The following VAV1 variants were observed in gnomAD, a reference collection of about 807,000 sequenced individuals.
VAV1 encodes the protein vav guanine nucleotide exchange factor 1.
Under a neutral mutation model 128.1 loss-of-function variants are expected in VAV1, and 33 were observed. The ratio of observed to expected loss-of-function variants is 0.26; its 90% confidence interval spans 0.20 to 0.34. The LOEUF is 0.34. VAV1 is among the 10% of genes least tolerant of loss of function. The pLI, the probability that VAV1 is intolerant of heterozygous loss-of-function variation, is 1.00. For missense variants in VAV1, 715 were observed against 1,093.7 expected (o/e 0.65, Z 4.88); for synonymous variants, 394 against 409.8 (o/e 0.96, Z 0.47).
At chr19:6,840,240 G>A (rs1187275314) in intron 21 of VAV1, among the ~76,000 whole-genome samples, 1 of 150,942 alleles carries the variant, frequency 6.6e-6, no homozygotes, top group Non-Finnish European at 1.5e-5. Flanking sequence ...TGTCTAGCTT[G>A]TTTCACTTGG....
At chr19:6,825,009 G>A (rs1291386975) in intron 6 of VAV1, 44 bp from the exon 7 acceptor site, 1 of 1,601,450 alleles carries the variant, frequency 6.2e-7, no homozygotes. Context: ...TGGTCTGGAG[G>A]AGGGAATCTT....
At chr19:6,816,018 T>C (rs34908503) in intron 1 of VAV1, among the ~76,000 whole-genome samples, 1 of 79,820 alleles carries the variant, frequency 1.3e-5, no homozygotes, top group African/African-American at 1.6e-4. Context: ...TCTCTACAAA[T>C]TTTTTTTTTT....
At chr19:6,834,463 C>T (rs573973129) in intron 19 of VAV1, among the ~76,000 whole-genome samples, 41 of 151,538 alleles carry the variant, frequency 2.7e-4, no homozygotes, top group South Asian at 6.2e-4. Flanking sequence ...AGGCTGGTCT[C>T]GAACTCTTGA....
At chr19:6,807,848 G>A (rs1971428712) in intron 1 of VAV1, among the ~76,000 whole-genome samples, 1 of 151,702 alleles carries the variant, frequency 6.6e-6, no homozygotes, top group Non-Finnish European at 1.5e-5. Context: ...AAAATTAGCT[G>A]GGCTTGGTGG....
chr19:6,829,028 C>T, intron 13 of VAV1, 128 bp downstream of exon 13: 1 of 1,079,016 alleles, frequency 9.3e-7, no homozygotes, highest in Non-Finnish European at 1.3e-6. Flanking sequence ...GGCCGGGCTT[C>T]TAGATGGACA....
intron 1 of VAV1, among the ~76,000 whole-genome samples, chr19:6,815,754 A>T (rs888933192): frequency 1.4e-4 from 22 of 152,280 alleles, no homozygotes; most frequent in African/African-American, 5.3e-4. Context: ...TAAAATGAGG[A>T]TAATAATATG....
At chr19:6,778,753 C>A (rs1467653732) in intron 1 of VAV1, among the ~76,000 whole-genome samples, 1 of 144,078 alleles carries the variant, frequency 6.9e-6, no homozygotes, top group Non-Finnish European at 1.5e-5. Flanking sequence ...AAAACAAAAC[C>A]CAATTTTGCC....
Position 6,836,421 on chromosome 19 carries a change from C to G in VAV1, c.1778-11C>G. ...GCCAACCACCCTGTACTCCTGTACCCTGTCCTCCAGGTCTGCCCAAGATGG... is the reference window on the plus strand; with the variant it reads ...GCCAACCACCCTGTACTCCTGTACCGTGTCCTCCAGGTCTGCCCAAGATGG... On this transcript the variant is annotated splice_polypyrimidine_tract_variant and intron_variant, in intron 19 of 26. Coordinates refer to ENST00000602142, the MANE Select transcript of VAV1 (RefSeq NM_005428.4). The G allele has an allele frequency of 6.2e-7, 1 of 1,613,822 alleles. No homozygotes were observed. The highest frequency in any genetic ancestry group is 8.5e-7 in the Non-Finnish European group (1 of 1,179,836).
At chr19:6,853,180 G>A in intron 25 of VAV1, 101 bp downstream of exon 25, 1 of 912,998 alleles carries the variant, frequency 1.1e-6, no homozygotes, top group South Asian at 1.5e-5. Context: ...GCCTTGCAGA[G>A]GTCATATCTG....
intron 1 of VAV1, among the ~76,000 whole-genome samples, chr19:6,783,342 T>C (rs2660478): frequency 0.22 from 32,978 of 152,056 alleles, 3,692 homozygotes; most frequent in African/African-American, 0.25. Flanking sequence ...AGAGTCTCTC[T>C]AGGGCCGAGG....
At chr19:6,836,121 G>T in intron 19 of VAV1, 1 of 223,948 alleles carries the variant, frequency 4.5e-6, no homozygotes, top group South Asian at 5.6e-5. Context: ...TGATCTTCCT[G>T]CCTCGGCCTC....
intron 1 of VAV1, among the ~76,000 whole-genome samples, chr19:6,796,274 C>T (rs1271259260): frequency 1.3e-5 from 2 of 152,174 alleles, no homozygotes; most frequent in African/African-American, 2.4e-5. Context: ...GGGAGAAATA[C>T]TTCAAAGGCT....
rs774807565 is a variant in VAV1, at chr19:6,773,054, G to T, written c.204+43G>T. 8 of 1,611,112 alleles carry T rather than the reference G, an allele frequency of 5.0e-6. No homozygotes were observed. In the African/African-American group the frequency reaches 5.3e-5, roughly 11 times the overall value. ...AGGTGTGCTGAGGGTTGGAGACGGG[G>T]GTCCTCCCCGGGGCTGACAGTCGAG... is the stretch of plus-strand genomic sequence containing the variant. On this transcript the variant is annotated intron_variant, in intron 1 of 26. Coordinates refer to ENST00000602142, the MANE Select transcript of VAV1 (RefSeq NM_005428.4).
At chr19:6,794,726 T>C (rs1971093132) in intron 1 of VAV1, among the ~76,000 whole-genome samples, 1 of 152,174 alleles carries the variant, frequency 6.6e-6, no homozygotes, top group African/African-American at 2.4e-5. Context: ...CATCATATAT[T>C]TAGGTTATTA....
intron 14 of VAV1, among the ~76,000 whole-genome samples, chr19:6,830,612 G>C (rs1568308379): frequency 6.6e-6 from 1 of 151,662 alleles, no homozygotes; most frequent in Admixed American, 6.6e-5. Context: ...GCTAAATTTT[G>C]TATTTTTAGT....
intron 15 of VAV1, among the ~76,000 whole-genome samples, chr19:6,832,670 CTTCCTCCTCTTCTTT>C (rs1972110580): frequency 6.7e-6 from 1 of 149,252 alleles, no homozygotes; most frequent in African/African-American, 2.5e-5. Flanking sequence ...TCCTCCTCCT[CTTCCTCCTCTTCTTT>C]CTCTTCCTCC....
rs1217672757 is a variant in VAV1 at position 6,777,618 on chromosome 19, G to A, written c.204+4607G>A. On this transcript the variant is annotated intron_variant, in intron 1 of 26. Transcript: ENST00000602142. This position sits in a 1 kb window ranked among gnomAD's most constrained non-coding sequence, Gnocchi z 4.4. Reference sequence around the variant, plus strand: ...GTTACTGCCAGTGCAAAGGCCCTGAGGTAGGAGCCAGTCAGTGCCTGTATG... The same window carrying A: ...GTTACTGCCAGTGCAAAGGCCCTGAAGTAGGAGCCAGTCAGTGCCTGTATG... 6.6e-6 allele frequency among the ~76,000 whole-genome samples: 1 copy of A among 152,134 alleles called. No homozygotes were observed. Among genetic ancestry groups the A allele is most frequent in the African/African-American group, 2.4e-5 (1 of 41,430 alleles).
intron 1 of VAV1, among the ~76,000 whole-genome samples, chr19:6,795,831 G>A (rs1013362623): frequency 7.9e-5 from 12 of 152,246 alleles, no homozygotes; most frequent in Admixed American, 5.9e-4. Context: ...CTACAGGCGC[G>A]TGCCACCGCG....
rs1339233383 is a variant in VAV1, at chr19:6,828,510, T to A, written c.1092+23T>A. 2 of 1,613,926 alleles carry A rather than the reference T, an allele frequency of 1.2e-6. No individual in the cohort carries two copies. The highest frequency in any genetic ancestry group is 2.7e-5 in the African/African-American group (2 of 74,898). ...AGGGTGAGTGGGTGTAGGGTGCTGG[T>A]GACTCACCTGCTGCAGACACCCTCC... is the stretch of plus-strand genomic sequence containing the variant. On this transcript the variant is annotated intron_variant, in intron 11 of 26. Coordinates refer to ENST00000602142, the MANE Select transcript of VAV1 (RefSeq NM_005428.4). This position sits in a 1 kb window ranked among gnomAD's most constrained non-coding sequence, Gnocchi z 4.5.
Sources: allele counts gnomAD v4.1 joint callset (sites outside exome capture counted in the v4.1 genomes callset), GRCh38; gene constraint gnomAD v4.1.1; non-coding constraint Gnocchi (gnomAD v3.1); transcripts MANE v1.5; gene names NCBI Gene and HGNC (gene_info 2026-07-23, HGNC 2026-07-21).